Variants in GALNT13 observed in about 807,000 individuals in gnomAD.
GALNT13 encodes the protein UDP-GalNAc:polypeptide N-acetylgalactosaminyltransferase 13.
GALNT13 carries 28 observed loss-of-function variants against 64.2 expected under a neutral mutation model. The ratio of observed to expected loss-of-function variants is 0.44; its 90% CI spans 0.32 to 0.60. GALNT13 has a LOEUF of 0.60. Ranked by LOEUF, GALNT13 falls within the 20% of genes least tolerant of loss-of-function variation. The probability of loss-of-function intolerance (pLI) is 0.05; values close to 1 mark genes in which losing one functional copy is unlikely to be tolerated. For missense variants in GALNT13, 577 were observed against 669.8 expected (o/e 0.86, Z 1.53); for synonymous variants, 214 against 224.6 (o/e 0.95, Z 0.42).
In GALNT13 at chr2:154,450,531, A is replaced by G. The variant is rs750738168; in HGVS notation, c.1651A>G (p.Asn551Asp). The G allele has an allele frequency of 6.2e-7, 1 of 1,609,732 alleles. No individual in the cohort carries two copies. Among genetic ancestry groups the G allele is most frequent in the East Asian group, 2.2e-5 (1 of 44,732 alleles). ...GSRSQQWLLR[N>D]MTLGT Reference sequence around the variant, plus strand: ...CAGATCCCAACAGTGGCTGCTAAGGAACATGACCTTGGGCACATGAAGATC... The same window carrying G: ...CAGATCCCAACAGTGGCTGCTAAGGGACATGACCTTGGGCACATGAAGATC... The change falls in exon 13 of 13, where the codon AAC (asparagine) becomes GAC (aspartate). Residue 551 changes from asparagine to aspartate, a missense_variant. Physicochemically the swap from Asn to Asp is conservative, Grantham distance 23. Coordinates refer to ENST00000392825, the MANE Select transcript of GALNT13 (RefSeq NM_052917.4).
the GALNT13 span, among the ~76,000 whole-genome samples, chr2:153,330,337 A>T: frequency 1.3e-5 from 2 of 152,334 alleles, no homozygotes; most frequent in Admixed American, 1.3e-4. Context: ...GTTTGATAGG[A>T]ATAGCATTGA....
At chr2:153,271,539 C>T in the GALNT13 span, among the ~76,000 whole-genome samples, 4 of 152,040 alleles carry the variant, frequency 2.6e-5, no homozygotes, top group South Asian at 2.1e-4. Context: ...GAATAAAATA[C>T]GTAGGAATGC....
rs546258841 is a variant in GALNT13, at chr2:154,301,337, T to G, written c.976-72T>G. On this transcript the variant is annotated intron_variant, in intron 8 of 12. Transcript: ENST00000392825. ...TTGAAACATGTAAAATACGAAGATT[T>G]GGCCTAAGCTTCAGTTGCTTCATCT... 4.7e-4 allele frequency: 585 copies of G among 1,233,402 alleles called. 4 individuals carry two copies. Among genetic ancestry groups the G allele is most frequent in the Non-Finnish European group, 5.4e-4 (464 of 866,514 alleles). 76.4% of individuals were successfully genotyped at this position (1,233,402 alleles called of 1,614,324 possible).
chr2:153,875,280 T>C (rs1348587), intron 1 of GALNT13, among the ~76,000 whole-genome samples: 38,693 of 152,048 alleles, frequency 0.25, 7,029 homozygotes, highest in East Asian at 0.88. Context: ...TGCTAATTTA[T>C]CATGAGTATG....
the GALNT13 span, among the ~76,000 whole-genome samples, chr2:153,599,505 C>T: frequency 6.6e-6 from 1 of 151,888 alleles, no homozygotes; most frequent in Non-Finnish European, 1.5e-5. Flanking sequence ...GGGGTAAGTG[C>T]AAATTTTGTC....
At chr2:154,342,943 C>A (rs1307080687) in intron 9 of GALNT13, among the ~76,000 whole-genome samples, 1 of 151,796 alleles carries the variant, frequency 6.6e-6, no homozygotes, top group Non-Finnish European at 1.5e-5. Flanking sequence ...GCTCACTGTT[C>A]TTAGTACCAT....
At chr2:153,630,799 ATATATATATTTTTT>A in the GALNT13 span, among the ~76,000 whole-genome samples, 195 of 16,122 alleles carry the variant, frequency 0.012, no homozygotes, top group Non-Finnish European at 0.018. Flanking sequence ...ATATATATAT[ATATATATATTTTTT>A]TTTTTTTTTT....
the GALNT13 span, among the ~76,000 whole-genome samples, chr2:153,724,969 T>G: frequency 1.1e-4 from 17 of 151,588 alleles, no homozygotes; most frequent in Non-Finnish European, 2.4e-4. Context: ...TATACCCAAA[T>G]GACTATAAAT....
intron 3 of GALNT13, among the ~76,000 whole-genome samples, chr2:153,973,456 T>C (rs17439512): frequency 0.2 from 31,121 of 151,928 alleles, 4,121 homozygotes; most frequent in Middle Eastern, 0.33. Flanking sequence ...TACTAGCAAC[T>C]CACTGAAGAT....
In GALNT13 at chr2:153,934,630, G is replaced by C. The variant is rs1252988788; in HGVS notation, c.-104-9764G>C. ...ATACGGATATCCATTCTATGAAGAT[G>C]CTATGACTATAAAAGTACAATATAT... is the stretch of plus-strand genomic sequence containing the variant. On this transcript the variant is annotated intron_variant, in intron 2 of 12. Transcript: ENST00000392825. Among the ~76,000 whole-genome samples the C allele has an allele frequency of 3.9e-5, 6 of 152,132 alleles. No individual in the cohort carries two copies. The East Asian group carries it at 9.6e-4, about 24-fold the overall frequency.
chr2:153,322,714 A>G, the GALNT13 span, among the ~76,000 whole-genome samples: 1 of 152,004 alleles, frequency 6.6e-6, no homozygotes. Flanking sequence ...ATATGTTTTC[A>G]TTGTTCAACT....
chr2:153,604,009 A>G, the GALNT13 span, among the ~76,000 whole-genome samples: 1 of 152,060 alleles, frequency 6.6e-6, no homozygotes. Context: ...ATTCCGTTTC[A>G]TTAGTCAAAT....
chr2:153,918,017 T>G (rs1032759797), intron 2 of GALNT13, among the ~76,000 whole-genome samples: 2 of 152,046 alleles, frequency 1.3e-5, no homozygotes, highest in African/African-American at 4.8e-5. Flanking sequence ...CATGTGTGAG[T>G]GCAGAGGTTT....
At chr2:153,667,625 A>G in the GALNT13 span, among the ~76,000 whole-genome samples, 1 of 152,228 alleles carries the variant, frequency 6.6e-6, no homozygotes, top group South Asian at 2.1e-4. Context: ...TCCTTAAAGG[A>G]GTGGTAAACA....
chr2:154,410,206 A>G (rs189120478), intron 11 of GALNT13, among the ~76,000 whole-genome samples: 7 of 152,096 alleles, frequency 4.6e-5, no homozygotes, highest in Admixed American at 3.9e-4. Flanking sequence ...TCACTGATTC[A>G]TAATGAATGT....
chr2:153,397,667 C>A, the GALNT13 span, among the ~76,000 whole-genome samples: 1 of 151,762 alleles, frequency 6.6e-6, no homozygotes, highest in Non-Finnish European at 1.5e-5. Context: ...AAAGTATCAC[C>A]AAGGGGGAGG....
chr2:154,279,923 G>A (rs1691867665), intron 8 of GALNT13, among the ~76,000 whole-genome samples: 1 of 151,904 alleles, frequency 6.6e-6, no homozygotes, highest in Non-Finnish European at 1.5e-5. Context: ...ATTGGTTCTT[G>A]CCAAACTCTA....
the GALNT13 span, among the ~76,000 whole-genome samples, chr2:153,519,460 G>A: frequency 1.3e-5 from 2 of 152,102 alleles, no homozygotes; most frequent in African/African-American, 4.8e-5. Context: ...TAACAATGAT[G>A]GATTGCAGCG....
At chr2:154,098,616 T>A (rs1702192789) in intron 3 of GALNT13, among the ~76,000 whole-genome samples, 1 of 152,052 alleles carries the variant, frequency 6.6e-6, no homozygotes, top group African/African-American at 2.4e-5. Flanking sequence ...ACCTATTATT[T>A]CTGTCTTTAT....
Sources: allele counts gnomAD v4.1 joint callset (sites outside exome capture counted in the v4.1 genomes callset), GRCh38; gene constraint gnomAD v4.1.1; transcripts MANE v1.5; gene names NCBI Gene and HGNC (gene_info 2026-07-23, HGNC 2026-07-21).